The following RBFOX3 variants were observed in gnomAD, a reference collection of about 807,000 sequenced individuals.
The protein encoded by RBFOX3 is RNA binding fox-1 homolog 3.
RBFOX3 carries 17 observed loss-of-function variants against 48.7 expected under a neutral mutation model. The observed-to-expected ratio is 0.35, with a 90% CI of 0.24 to 0.52. The LOEUF (loss-of-function observed/expected upper bound fraction) is 0.52. RBFOX3 is among the 20% of genes least tolerant of loss of function. The pLI, the probability that RBFOX3 is intolerant of heterozygous loss-of-function variation, is 0.94. For missense variants in RBFOX3, 382 were observed against 497.5 expected (o/e 0.77, Z 2.21); for synonymous variants, 212 against 209.5 (o/e 1.01, Z -0.10).
chr17:79,456,806 G>C (rs1465338900), intron 2 of RBFOX3, among the ~76,000 whole-genome samples: 5 of 151,966 alleles, frequency 3.3e-5, no homozygotes, highest in African/African-American at 1.2e-4. Context: ...ACAAGCTCGA[G>C]AGGTCTGGGC....
intron 1 of RBFOX3, among the ~76,000 whole-genome samples, chr17:79,607,628 T>C (rs1335186846): frequency 6.6e-6 from 1 of 152,066 alleles, no homozygotes; most frequent in Non-Finnish European, 1.5e-5. Flanking sequence ...TCTGCGTATA[T>C]GGGGGAGGGG....
intron 4 of RBFOX3, among the ~76,000 whole-genome samples, chr17:79,181,982 C>A (rs2052066529): frequency 6.6e-6 from 1 of 151,756 alleles, no homozygotes; most frequent in South Asian, 2.1e-4. Flanking sequence ...CACACACACA[C>A]ACACACACAC....
chr17:79,553,669 C>A lies in RBFOX3; in HGVS notation c.-320+57157G>T, dbSNP rs957645842. Among the ~76,000 whole-genome samples the A allele has an allele frequency of 3.7e-3, 565 of 152,244 alleles. 1 individual carries two copies. Among genetic ancestry groups the A allele is most frequent in the African/African-American group, 0.012 (512 of 41,556 alleles). On this transcript the variant is annotated intron_variant, in intron 1 of 14. Coordinates refer to ENST00000693108, the MANE Select transcript of RBFOX3 (RefSeq NM_001350451.2). ...TTGATCAGTTTGGTAAATTATATTT[C>A]TCCCTTATTATTCCTCATTATGTGT...
intron 2 of RBFOX3, among the ~76,000 whole-genome samples, chr17:79,339,063 C>CA (rs1568069947): frequency 6.8e-6 from 1 of 146,560 alleles, no homozygotes. Context: ...CTTTTCTTTT[C>CA]TTTTTTTTTT....
intron 2 of RBFOX3, among the ~76,000 whole-genome samples, chr17:79,358,551 C>G (rs753714881): frequency 6.6e-6 from 1 of 152,192 alleles, no homozygotes; most frequent in African/African-American, 2.4e-5. Context: ...ACCTCTACCT[C>G]CCGGGTTCAA....
chr17:79,145,414 G>A (rs1416738617), intron 4 of RBFOX3, among the ~76,000 whole-genome samples: 1 of 152,208 alleles, frequency 6.6e-6, no homozygotes, highest in Non-Finnish European at 1.5e-5. Flanking sequence ...CCCTGGAGAG[G>A]GTCTGAGGCC....
Position 79,139,972 on chromosome 17 carries a change from G to C in RBFOX3, c.-33-24224C>G, listed in dbSNP as rs370785529. ...CTCAGGCTTTCCCTGCAGGTAAAAG[G>C]GGCAGGGCCAGGCCTGGTGTCCAGC... On this transcript the variant is annotated intron_variant, in intron 4 of 14. Coordinates refer to ENST00000693108, the MANE Select transcript of RBFOX3 (RefSeq NM_001350451.2). 9.2e-4 allele frequency among the ~76,000 whole-genome samples: 140 copies of C among 152,266 alleles called. 4 individuals are homozygous for C. In the South Asian group the frequency reaches 0.028, roughly 31 times the overall value.
Position 79,214,942 on chromosome 17 carries a change from A to G in RBFOX3, c.-34+20824T>C, listed in dbSNP as rs2058829220. Among the ~76,000 whole-genome samples, 1 of 152,168 alleles carries G rather than the reference A, an allele frequency of 6.6e-6. No homozygotes were observed. Among genetic ancestry groups the G allele is most frequent in the South Asian group, 2.1e-4 (1 of 4,828 alleles). On this transcript the variant is annotated intron_variant, in intron 4 of 14. Transcript: ENST00000693108. This position sits in a 1 kb window ranked among gnomAD's most constrained non-coding sequence, Gnocchi z 4.7. The stretch of plus-strand genomic sequence containing the variant: ...TAATTTGGAGACGTTCTGCCTTGGC[A>G]TCTTCGCCTGGTGCCGGTCAATTAT...
chr17:79,436,150 C>T (rs1005391122), intron 2 of RBFOX3, among the ~76,000 whole-genome samples: 7 of 152,158 alleles, frequency 4.6e-5, no homozygotes, highest in Non-Finnish European at 1.0e-4. Flanking sequence ...GCAAACACCC[C>T]CGGGTAGGCA....
chr17:79,263,167 C>G (rs1035660084), intron 3 of RBFOX3, among the ~76,000 whole-genome samples: 1 of 152,196 alleles, frequency 6.6e-6, no homozygotes, highest in African/African-American at 2.4e-5. Flanking sequence ...TGGGGTACCC[C>G]CCCGGCTGTG....
chr17:79,139,951 G>C (rs2041578446), intron 4 of RBFOX3, among the ~76,000 whole-genome samples: 1 of 152,046 alleles, frequency 6.6e-6, no homozygotes, highest in Non-Finnish European at 1.5e-5. Context: ...ATAAGTCTCA[G>C]GCTTTCCCTG....
chr17:79,585,044 C>T (rs914215658), intron 1 of RBFOX3, among the ~76,000 whole-genome samples: 11 of 151,882 alleles, frequency 7.2e-5, no homozygotes, highest in Non-Finnish European at 1.5e-4. Context: ...GGATTACAGG[C>T]GTGAGCCACG....
In RBFOX3 at chr17:79,249,244, C is replaced by T. The variant is rs1281520348; in HGVS notation, c.-73-13439G>A. ...AAGCGCGCTCAGGTCTTCAAAGCCA[C>T]CGTTTGTGCTTGGGCTGCGGATTCT... On this transcript the variant is annotated intron_variant, in intron 3 of 14. Coordinates refer to ENST00000693108, the MANE Select transcript of RBFOX3 (RefSeq NM_001350451.2). The surrounding 1 kb of genome is among the most constrained non-coding windows in gnomAD (Gnocchi z 4.1). Among the ~76,000 whole-genome samples the T allele has an allele frequency of 6.6e-6, 1 of 152,150 alleles. No individual in the cohort carries two copies. The highest frequency in any genetic ancestry group is 1.5e-5 in the Non-Finnish European group (1 of 68,022).
intron 2 of RBFOX3, among the ~76,000 whole-genome samples, chr17:79,374,661 G>C (rs1216691058): frequency 6.6e-6 from 1 of 152,240 alleles, no homozygotes; most frequent in Non-Finnish European, 1.5e-5. Flanking sequence ...CCGTTCGCAT[G>C]TTTGCGGGCT....
intron 3 of RBFOX3, among the ~76,000 whole-genome samples, chr17:79,280,162 CG>C (rs1419509343): frequency 8.2e-6 from 1 of 122,360 alleles, no homozygotes; most frequent in Non-Finnish European, 1.8e-5. Context: ...CACACACACA[CG>C]CACACACCAC....
At chr17:79,137,200 G>A (rs941694091) in intron 4 of RBFOX3, among the ~76,000 whole-genome samples, 44 of 151,682 alleles carry the variant, frequency 2.9e-4, no homozygotes, top group Non-Finnish European at 2.1e-4. Context: ...CACACACGCA[G>A]GCCTCGTGGA....
intron 4 of RBFOX3, among the ~76,000 whole-genome samples, chr17:79,188,756 C>T (rs1486583142): frequency 1.3e-5 from 2 of 152,178 alleles, no homozygotes; most frequent in Admixed American, 6.5e-5. Flanking sequence ...GGAAGGCGAG[C>T]GAGCTCTACA....
At chr17:79,184,532 C>A (rs1599861771) in intron 4 of RBFOX3, among the ~76,000 whole-genome samples, 1 of 152,236 alleles carries the variant, frequency 6.6e-6, no homozygotes. Context: ...TCCACACTCA[C>A]CAGAGGCCCC....
chr17:79,590,112 C>G (rs1176539034), intron 1 of RBFOX3, among the ~76,000 whole-genome samples: 6 of 152,034 alleles, frequency 3.9e-5, no homozygotes, highest in Admixed American at 3.9e-4. Context: ...TGTGCCTTGG[C>G]TTTGCCCCAA....
Sources: gnomAD v4.1 joint callset for allele counts (sites outside exome capture counted in the v4.1 genomes callset) on GRCh38, gnomAD v4.1.1 for gene constraint, Gnocchi (gnomAD v3.1) non-coding constraint, MANE v1.5 for transcripts, NCBI Gene and HGNC (gene_info 2026-07-23, HGNC 2026-07-21) for gene names.